The following TBC1D8 variants were observed in gnomAD, a reference collection of about 807,000 sequenced individuals.
TBC1D8 encodes the protein BUB2-like protein 1.
In TBC1D8, 65 loss-of-function variants were observed where a neutral mutation model predicts 118.8. That is an observed-to-expected ratio of 0.55 (90% CI 0.45 to 0.67). TBC1D8 has a LOEUF of 0.67. Among genes scored for constraint, TBC1D8 ranks in the 30% least tolerant of loss-of-function variants. The pLI, the probability that TBC1D8 is intolerant of heterozygous loss-of-function variation, is 0.00. For synonymous variants in TBC1D8, 566 were observed against 595.8 expected (o/e 0.95, Z 0.73); for missense variants, 1,376 against 1,471.2 (o/e 0.94, Z 1.06).
chr2:101,010,514 C>T (rs1314677865), intron 19 of TBC1D8, among the ~76,000 whole-genome samples: 4 of 152,044 alleles, frequency 2.6e-5, no homozygotes, highest in Non-Finnish European at 5.9e-5. Context: ...CCAATTTAAT[C>T]ACTATGATGT....
At chr2:101,116,719 C>T (rs1451372774) in intron 1 of TBC1D8, among the ~76,000 whole-genome samples, 1 of 151,920 alleles carries the variant, frequency 6.6e-6, no homozygotes, top group Admixed American at 6.6e-5. Flanking sequence ...CAGCTCACTG[C>T]AGCTTCTGCC....
intron 17 of TBC1D8, chr2:101,018,985 A>G (rs767043838): frequency 6.2e-7 from 1 of 1,611,328 alleles, no homozygotes; most frequent in Non-Finnish European, 8.5e-7. Context: ...CATCTGTAAT[A>G]TTTCTGTGCT....
intron 1 of TBC1D8, among the ~76,000 whole-genome samples, chr2:101,120,979 A>AT (rs1201959213): frequency 3.3e-5 from 5 of 152,266 alleles, no homozygotes; most frequent in Admixed American, 2.6e-4. Flanking sequence ...CTTTACGTTC[A>AT]TTTTTTTAAA....
chr2:101,102,823 G>A lies in TBC1D8; in HGVS notation c.128-12459C>T, dbSNP rs536535017. Reference sequence around the variant, plus strand: ...TTTGGGAGGCCAAGGTGGGAAGACTGCTTGAGGCCAGGAGTTCCAGACCAG... The same window carrying A: ...TTTGGGAGGCCAAGGTGGGAAGACTACTTGAGGCCAGGAGTTCCAGACCAG... On this transcript the variant is annotated intron_variant, in intron 1 of 19. Coordinates refer to ENST00000409318, the MANE Select transcript of TBC1D8 (RefSeq NM_001330348.2). Among the ~76,000 whole-genome samples, 46 of 151,844 alleles carry A rather than the reference G, an allele frequency of 3.0e-4. No individual in the cohort carries two copies. The South Asian group carries it at 9.6e-3, about 32-fold the overall frequency.
At chr2:101,012,940 G>A (rs1679339550) in intron 17 of TBC1D8, among the ~76,000 whole-genome samples, 2 of 152,200 alleles carry the variant, frequency 1.3e-5, no homozygotes, top group African/African-American at 4.8e-5. Context: ...AACTGAACAG[G>A]AGGAAAATTG....
chr2:101,007,868 C>T lies in TBC1D8; in HGVS notation c.3421G>A (p.Glu1141Lys), dbSNP rs779020109. ...TCAGATTGTGATTGGTGGCTCATTT[C>T]AAAAGTTTTGAGATTGTACTGATTG... ...KINQYNLKTF[E>K]MSHQSQSELK... Residue 1141 changes from glutamate to lysine, a missense_variant, in exon 20 of 20, where the codon GAA becomes AAA. Coordinates refer to ENST00000409318, the MANE Select transcript of TBC1D8 (RefSeq NM_001330348.2). 3.7e-6 allele frequency: 6 copies of T among 1,611,262 alleles called. No homozygotes were observed.
intron 15 of TBC1D8, among the ~76,000 whole-genome samples, chr2:101,027,174 C>T (rs1005707752): frequency 6.6e-6 from 1 of 152,158 alleles, no homozygotes; most frequent in Non-Finnish European, 1.5e-5. Flanking sequence ...ACCCCAGCTC[C>T]CTCCTCCCAT....
intron 17 of TBC1D8, chr2:101,017,772 C>G: frequency 6.8e-7 from 1 of 1,462,544 alleles, no homozygotes; most frequent in Non-Finnish European, 9.3e-7. Flanking sequence ...TAAGATGTTA[C>G]CAAAATCTTG....
intron 3 of TBC1D8, among the ~76,000 whole-genome samples, chr2:101,057,641 T>C (rs1682515331): frequency 6.6e-6 from 1 of 152,146 alleles, no homozygotes; most frequent in Non-Finnish European, 1.5e-5. Context: ...TTGGGCAACA[T>C]AATGAGACTT....
At chr2:101,071,346 A>AAAACAAAC (rs534839889) in intron 2 of TBC1D8, among the ~76,000 whole-genome samples, 1 of 142,466 alleles carries the variant, frequency 7.0e-6, no homozygotes, top group African/African-American at 2.6e-5. Flanking sequence ...CTCCGTCTCA[A>AAAACAAAC]AAACAAACAA....
chr2:101,058,059 G>A (rs1482069953), intron 3 of TBC1D8, among the ~76,000 whole-genome samples: 1 of 152,208 alleles, frequency 6.6e-6, no homozygotes, highest in African/African-American at 2.4e-5. Flanking sequence ...CGCAGGGTAA[G>A]TGTGAAAAAT....
Position 101,097,915 on chromosome 2 carries a change from A to G in TBC1D8, c.128-7551T>C, listed in dbSNP as rs561230145. Among the ~76,000 whole-genome samples, 61 of 152,292 alleles carry G rather than the reference A, an allele frequency of 4.0e-4. No individual in the cohort carries two copies. In the Middle Eastern group the frequency reaches 0.01, roughly 25 times the overall value. On this transcript the variant is annotated intron_variant, in intron 1 of 19. Transcript: ENST00000409318. Reference sequence around the variant, plus strand: ...TGCATTCAATGTGAAACAGTATAGTATTGTTTGAAGGTTGATGTAGATTAA... The same window carrying G: ...TGCATTCAATGTGAAACAGTATAGTGTTGTTTGAAGGTTGATGTAGATTAA...
In TBC1D8 at chr2:101,080,228, G is replaced by A. The variant is rs187810363; in HGVS notation, c.283+9981C>T. On this transcript the variant is annotated intron_variant, in intron 2 of 19. Transcript: ENST00000409318. ...AAAGAAACGTGAACCGCAGCACCCC[G>A]AGCGTGACCGAAAACAAGTGTAACA... 2.7e-3 allele frequency among the ~76,000 whole-genome samples: 409 copies of A among 152,184 alleles called. 6 individuals are homozygous for A. Among genetic ancestry groups the A allele is most frequent in the Admixed American group, 0.026 (396 of 15,274 alleles).
intron 2 of TBC1D8, among the ~76,000 whole-genome samples, chr2:101,088,569 A>AG (rs1464575879): frequency 6.6e-6 from 1 of 152,048 alleles, no homozygotes; most frequent in Non-Finnish European, 1.5e-5. Context: ...TACAGGCGTG[A>AG]GCCACCACAC....
intron 2 of TBC1D8, among the ~76,000 whole-genome samples, chr2:101,071,416 T>C (rs1674427294): frequency 6.6e-6 from 1 of 152,202 alleles, no homozygotes; most frequent in African/African-American, 2.4e-5. Context: ...GGCCTGGTTA[T>C]TGGGCCCTGT....
intron 9 of TBC1D8, among the ~76,000 whole-genome samples, chr2:101,034,762 C>T (rs1680897288): frequency 6.6e-6 from 1 of 152,208 alleles, no homozygotes; most frequent in Non-Finnish European, 1.5e-5. Flanking sequence ...GCTCACTCCT[C>T]CATGCCTTTA....
At chr2:101,021,313 T>C (rs1002763396) in intron 17 of TBC1D8, among the ~76,000 whole-genome samples, 3 of 152,202 alleles carry the variant, frequency 2.0e-5, no homozygotes, top group Non-Finnish European at 4.4e-5. Context: ...AAACATGAAA[T>C]GGTTCTTCAG....
chr2:101,097,952 T>C (rs1004099394), intron 1 of TBC1D8, among the ~76,000 whole-genome samples: 1 of 152,218 alleles, frequency 6.6e-6, no homozygotes, highest in Non-Finnish European at 1.5e-5. Flanking sequence ...TTAGAATTTA[T>C]ATTGTAAACC....
intron 1 of TBC1D8, among the ~76,000 whole-genome samples, chr2:101,116,331 G>T (rs1303278015): frequency 6.6e-6 from 1 of 152,168 alleles, no homozygotes; most frequent in Non-Finnish European, 1.5e-5. Flanking sequence ...CTGCTCTAGA[G>T]TCACAATCCT....
Sources: allele counts gnomAD v4.1 joint callset (sites outside exome capture counted in the v4.1 genomes callset), GRCh38; gene constraint gnomAD v4.1.1; transcripts MANE v1.5; gene names NCBI Gene and HGNC (gene_info 2026-07-23, HGNC 2026-07-21).